The following EPG5 variants were observed in gnomAD, a reference collection of about 807,000 sequenced individuals.
EPG5 encodes ectopic P granules protein 5 homolog.
EPG5 carries 159 observed loss-of-function variants against 302.7 expected under a neutral mutation model. The ratio of observed to expected loss-of-function variants is 0.53; its 90% CI spans 0.46 to 0.60. The LOEUF is 0.60. Ranked by LOEUF, EPG5 falls within the 20% of genes least tolerant of loss-of-function variation. EPG5 has a pLI of 0.00. For synonymous variants in EPG5, 1,158 were observed against 1,136.8 expected, an observed-to-expected ratio of 1.02 and a Z score of -0.37; for missense variants, 2,896 against 3,092.4, an observed-to-expected ratio of 0.94 and a Z score of 1.51.
intron 9 of EPG5, among the ~76,000 whole-genome samples, chr18:45,940,084 T>C (rs923695758): frequency 6.6e-6 from 1 of 151,920 alleles, no homozygotes; most frequent in African/African-American, 2.4e-5. Flanking sequence ...AGGAGGTGGG[T>C]TGGGAGCACG....
At chr18:45,915,438 AT>A in intron 20 of EPG5, 72 bp downstream of exon 20, 2 of 1,084,772 alleles carry the variant, frequency 1.8e-6, no homozygotes, top group Admixed American at 2.0e-5. Context: ...ACAATTAGTA[AT>A]TTCTTTGTAA....
the EPG5 span, among the ~76,000 whole-genome samples, chr18:45,825,308 GAGGAAGGAAGGAA>G: frequency 6.7e-6 from 1 of 148,260 alleles, no homozygotes; most frequent in Non-Finnish European, 1.5e-5. Context: ...GGGAGGAAGA[GAGGAAGGAAGGAA>G]AGGAAGGAGG....
Position 45,907,941 on chromosome 18 carries a change from G to T in EPG5, c.4329+17C>A. ...ATGCTAAAAAAAAAAAAAAAAAAAG[G>T]AGGGCTATAATTTCACCTGCTGATT... is the stretch of plus-strand genomic sequence containing the variant. On this transcript the variant is annotated intron_variant, in intron 24 of 43. Coordinates refer to ENST00000282041, the MANE Select transcript of EPG5 (RefSeq NM_020964.3). 6.6e-7 allele frequency: 1 copy of T among 1,523,878 alleles called. No individual in the cohort carries two copies. Among genetic ancestry groups the T allele is most frequent in the South Asian group, 1.3e-5 (1 of 76,734 alleles). 94.4% of individuals were successfully genotyped at this position (1,523,878 alleles called of 1,614,324 possible).
At chr18:45,929,394 C>T (rs2050349559) in intron 12 of EPG5, among the ~76,000 whole-genome samples, 1 of 152,098 alleles carries the variant, frequency 6.6e-6, no homozygotes, top group African/African-American at 2.4e-5. Flanking sequence ...GAATAAGAAC[C>T]CTAACTACAA....
intron 38 of EPG5, 111 bp downstream of exon 38, chr18:45,866,687 C>A: frequency 1.2e-6 from 1 of 814,806 alleles, no homozygotes; most frequent in Non-Finnish European, 2.1e-6. Flanking sequence ...AATACACATC[C>A]TCCGACTTCC....
the EPG5 span, chr18:45,841,180 G>C: frequency 1.3e-5 from 2 of 152,440 alleles, no homozygotes; most frequent in East Asian, 3.8e-4. Flanking sequence ...CTGCTGGGCT[G>C]AGGCTGCTTT....
chr18:45,886,042 T>C (rs2049209932), intron 29 of EPG5, among the ~76,000 whole-genome samples: 1 of 152,250 alleles, frequency 6.6e-6, no homozygotes, highest in Non-Finnish European at 1.5e-5. Flanking sequence ...TTCCTAATGT[T>C]GGTTATGGTA....
intron 9 of EPG5, among the ~76,000 whole-genome samples, chr18:45,941,815 T>C (rs2050673083): frequency 6.6e-6 from 1 of 152,216 alleles, no homozygotes; most frequent in Non-Finnish European, 1.5e-5. Flanking sequence ...CTTCTGTTAA[T>C]AACAGGTAGA....
chr18:45,813,229 C>A, the EPG5 span, among the ~76,000 whole-genome samples: 1 of 152,114 alleles, frequency 6.6e-6, no homozygotes, highest in Admixed American at 6.5e-5. Context: ...CCATCTCACA[C>A]CAGTTAGAAT....
the EPG5 span, among the ~76,000 whole-genome samples, chr18:45,834,379 GAC>G: frequency 6.6e-6 from 1 of 152,192 alleles, no homozygotes; most frequent in Non-Finnish European, 1.5e-5. Flanking sequence ...GTCTGGACAA[GAC>G]ACACAGTTCA....
chr18:45,885,745 A>G (rs1176462823), intron 29 of EPG5, among the ~76,000 whole-genome samples: 1 of 152,214 alleles, frequency 6.6e-6, no homozygotes, highest in African/African-American at 2.4e-5. Context: ...AGGCAAAAAT[A>G]TCATAAAATT....
chr18:45,937,235 TACACACACACACACACACACACACAC>T, intron 10 of EPG5, among the ~76,000 whole-genome samples: 1 of 136,852 alleles, frequency 7.3e-6, no homozygotes, highest in East Asian at 2.1e-4. Context: ...TACATATATA[TACACACACACACACACACACACACAC>T]ACACACACAC....
chr18:45,925,625 A>G, intron 14 of EPG5, 113 bp downstream of exon 14: 1 of 767,472 alleles, frequency 1.3e-6, no homozygotes, highest in Non-Finnish European at 1.9e-6. Context: ...AGCTACAAAG[A>G]ATTTGTAGAC....
At chr18:45,883,630 T>TA (rs1309293826) in intron 30 of EPG5, among the ~76,000 whole-genome samples, 2 of 138,438 alleles carry the variant, frequency 1.4e-5, no homozygotes, top group Admixed American at 7.1e-5. Context: ...TTTTTTTTTT[T>TA]TTTTTTTTTT....
At chr18:45,838,875 C>A in the EPG5 span, 1 of 1,589,294 alleles carries the variant, frequency 6.3e-7, no homozygotes, top group Non-Finnish European at 8.5e-7. Flanking sequence ...GTGAGGGTCA[C>A]GGCCACCTAG....
In EPG5 at chr18:45,950,430, G is replaced by A. The variant is rs534448956; in HGVS notation, c.1389+672C>T. 9.2e-5 allele frequency among the ~76,000 whole-genome samples: 14 copies of A among 152,224 alleles called. No homozygotes were observed. The South Asian group carries it at 2.5e-3, about 27-fold the overall frequency. The stretch of plus-strand genomic sequence containing the variant: ...GTGAATAAGTCTCACGAGATCTGAT[G>A]GGTTTATCAGGGGTTTCTGCTCTTG... On this transcript the variant is annotated intron_variant, in intron 4 of 43. Transcript: ENST00000282041.
chr18:45,963,418 T>C (rs1275512046), intron 1 of EPG5, among the ~76,000 whole-genome samples: 4 of 152,100 alleles, frequency 2.6e-5, no homozygotes, highest in African/African-American at 7.2e-5. Flanking sequence ...GGGTGGATCA[T>C]CCGAGGCCAG....
chr18:45,912,481 T>C (rs1273956387), intron 21 of EPG5, 25 bp from the exon 22 acceptor site: 24 of 1,578,994 alleles, frequency 1.5e-5, no homozygotes, highest in Non-Finnish European at 2.0e-5. Flanking sequence ...GGGCTTTGAG[T>C]AGCCACAAAA....
chr18:45,858,805 T>G, intron 40 of EPG5, 23 bp from the exon 41 acceptor site: 2 of 1,478,634 alleles, frequency 1.4e-6, no homozygotes, highest in Non-Finnish European at 1.9e-6. Context: ...AGAAGAGACA[T>G]CAAGATATAG....
Sources: allele counts gnomAD v4.1 joint callset (sites outside exome capture counted in the v4.1 genomes callset), GRCh38; gene constraint gnomAD v4.1.1; transcripts MANE v1.5; gene names NCBI Gene and HGNC (gene_info 2026-07-23, HGNC 2026-07-21).